NEIL2: variants seen among roughly 807,000 people sequenced by gnomAD.
The protein encoded by NEIL2 is endonuclease 8-like 2.
Under a neutral mutation model 22.2 loss-of-function variants are expected in NEIL2, and 23 were observed. The observed-to-expected ratio is 1.04, with a 90% CI of 0.75 to 1.47. NEIL2 has a LOEUF of 1.47. Among genes scored for constraint, NEIL2 ranks in the 40% most tolerant of loss-of-function variants. The pLI, the probability that NEIL2 is intolerant of heterozygous loss-of-function variation, is 0.00. For synonymous variants in NEIL2, 229 were observed against 164.8 expected, an observed-to-expected ratio of 1.39 and a Z score of -2.99; for missense variants, 583 against 404.7, an observed-to-expected ratio of 1.44 and a Z score of -3.78.
At chr8:11,781,314 C>G (rs8191617) in intron 3 of NEIL2, among the ~76,000 whole-genome samples, 5 of 152,146 alleles carry the variant, frequency 3.3e-5, no homozygotes, top group African/African-American at 1.2e-4. Context: ...TTCCAAGGTT[C>G]TGGCTTCCTG....
intron 3 of NEIL2, among the ~76,000 whole-genome samples, chr8:11,781,294 G>A (rs1033265815): frequency 6.6e-6 from 1 of 152,142 alleles, no homozygotes. Context: ...GGTGGGCTTT[G>A]GGGCTGCCGT....
intron 2 of NEIL2, among the ~76,000 whole-genome samples, chr8:11,775,008 A>G (rs1174199074): frequency 6.6e-6 from 1 of 152,210 alleles, no homozygotes. Flanking sequence ...GGCAGGGTGC[A>G]AGCTGTCAGT....
chr8:11,779,579 C>G lies in NEIL2; in HGVS notation c.139-19C>G, dbSNP rs1374471964. The G allele has an allele frequency of 1.3e-6, 2 of 1,572,028 alleles. No homozygotes were observed. Among genetic ancestry groups the G allele is most frequent in the South Asian group, 1.1e-5 (1 of 90,192 alleles). On this transcript the variant is annotated intron_variant, in intron 2 of 4. Transcript: ENST00000284503. ...CTCTCTGGGTCTGTAAGGCTTGGAT[C>G]TCTGTTCATTTTTTCTAGGTCCATG...
At chr8:11,776,979 G>C (rs1803957156) in intron 2 of NEIL2, among the ~76,000 whole-genome samples, 2 of 152,164 alleles carry the variant, frequency 1.3e-5, no homozygotes, top group Non-Finnish European at 2.9e-5. Flanking sequence ...CTGACCAGGA[G>C]CCCCTGTTCC....
rs1040919194 is a variant in NEIL2 at position 11,769,771 on chromosome 8, C to G, written c.-567C>G. On this transcript the variant is annotated 5_prime_UTR_variant, in exon 1 of 5. Coordinates refer to ENST00000284503, the MANE Select transcript of NEIL2 (RefSeq NM_145043.4). The stretch of plus-strand genomic sequence containing the variant: ...GCGTAGCGGTGCTGGGTCGGGCCGA[C>G]GTGCCACCCACCCGGAGCCGGTGAG... 3.9e-5 allele frequency: 6 copies of G among 152,322 alleles called. No homozygotes were observed. The highest frequency in any genetic ancestry group is 1.4e-4 in the African/African-American group (6 of 41,458). The allele number at this position is 152,322 out of a possible 1,614,324, so 9.4% of individuals were successfully genotyped here.
At chr8:11,771,732 G>T in intron 2 of NEIL2, 147 bp downstream of exon 2, 1 of 744,334 alleles carries the variant, frequency 1.3e-6, no homozygotes, top group Non-Finnish European at 2.2e-6. Context: ...TCAGTCTCAC[G>T]TGTCTCAGCC....
At chr8:11,773,167 C>G (rs761144021) in intron 2 of NEIL2, among the ~76,000 whole-genome samples, 36 of 152,254 alleles carry the variant, frequency 2.4e-4, no homozygotes, top group Non-Finnish European at 4.3e-4. Context: ...TCTCTTGTCT[C>G]TGGATCCCCA....
intron 2 of NEIL2, among the ~76,000 whole-genome samples, chr8:11,777,771 A>G (rs1050633256): frequency 6.6e-6 from 1 of 152,374 alleles, no homozygotes; most frequent in East Asian, 1.9e-4. Context: ...TGCATAATTT[A>G]TAAGCAATGT....
In NEIL2 at chr8:11,770,239, C is replaced by A. The variant is rs567391761; in HGVS notation, c.-99C>A. 63 of 152,314 alleles carry A rather than the reference C, an allele frequency of 4.1e-4. No individual in the cohort carries two copies. Among genetic ancestry groups the A allele is most frequent in the African/African-American group, 1.5e-3 (62 of 41,558 alleles). The allele number at this position is 152,314 out of a possible 1,614,324, so 9.4% of individuals were successfully genotyped here. On this transcript the variant is annotated 5_prime_UTR_variant, in exon 1 of 5. Transcript: ENST00000284503. ...ATAAAAATCCCTAAACGAAACATGC[C>A]CACGTGTCCGGAGATTTTCAGGACT...
Position 11,786,305 on chromosome 8 carries a change from C to T in NEIL2, c.*32C>T, listed in dbSNP as rs758498323. 19 of 1,586,402 alleles carry T rather than the reference C, an allele frequency of 1.2e-5. No individual in the cohort carries two copies. The highest frequency in any genetic ancestry group is 3.5e-5 in the Admixed American group (2 of 57,342). On this transcript the variant is annotated 3_prime_UTR_variant, in exon 5 of 5. Coordinates refer to ENST00000284503, the MANE Select transcript of NEIL2 (RefSeq NM_145043.4). ...GGTGGTGCTCCTCACGGAACCTTGC[C>T]GCTTGGGGAACCTGACGTCTAAGTG...
At chr8:11,777,785 T>C (rs1322926543) in intron 2 of NEIL2, among the ~76,000 whole-genome samples, 4 of 152,252 alleles carry the variant, frequency 2.6e-5, no homozygotes, top group Non-Finnish European at 5.9e-5. Flanking sequence ...GCAATGTAAG[T>C]CTATTTAGCT....
chr8:11,772,353 C>T (rs1803530691), intron 2 of NEIL2, among the ~76,000 whole-genome samples: 1 of 152,228 alleles, frequency 6.6e-6, no homozygotes, highest in East Asian at 1.9e-4. Flanking sequence ...ATCGATGAAA[C>T]TGCCTTTGGC....
At chr8:11,784,362 T>C (rs6982453) in intron 4 of NEIL2, among the ~76,000 whole-genome samples, 75,464 of 152,162 alleles carry the variant, frequency 0.5, 18,939 homozygotes, top group East Asian at 0.75. Context: ...GCCAGGCACA[T>C]GTTCTTGTCC....
intron 2 of NEIL2, among the ~76,000 whole-genome samples, chr8:11,776,275 G>T (rs1803896484): frequency 2.0e-5 from 3 of 152,198 alleles, no homozygotes; most frequent in Admixed American, 1.3e-4. Flanking sequence ...GAGACTTACT[G>T]TTGTGGGAAC....
intron 2 of NEIL2, among the ~76,000 whole-genome samples, chr8:11,779,368 G>A (rs1237620053): frequency 6.6e-6 from 1 of 152,214 alleles, no homozygotes; most frequent in African/African-American, 2.4e-5. Flanking sequence ...TCTTGCATGG[G>A]TGTGTTTCAC....
rs1803278955 is a variant in NEIL2, at chr8:11,769,920, G to C, written c.-418G>C. 1 of 152,354 alleles carries C rather than the reference G, an allele frequency of 6.6e-6. No homozygotes were observed. The highest frequency in any genetic ancestry group is 1.5e-5 in the Non-Finnish European group (1 of 68,186). 9.4% of individuals were successfully genotyped at this position (152,354 alleles called of 1,614,324 possible). On this transcript the variant is annotated 5_prime_UTR_variant, in exon 1 of 5. Transcript: ENST00000284503. ...CCTGCGGAGGTGCTGCCCACGCCTG[G>C]AGGCCCCCACTGACCCTCAGACCCG... is the stretch of plus-strand genomic sequence containing the variant.
At chr8:11,779,376 C>A (rs184603583) in intron 2 of NEIL2, among the ~76,000 whole-genome samples, 1 of 152,328 alleles carries the variant, frequency 6.6e-6, no homozygotes, top group Non-Finnish European at 1.5e-5. Context: ...GGGTGTGTTT[C>A]ACTGCCAACT....
intron 2 of NEIL2, among the ~76,000 whole-genome samples, chr8:11,774,955 G>C (rs1803780170): frequency 6.6e-6 from 1 of 152,232 alleles, no homozygotes; most frequent in African/African-American, 2.4e-5. Flanking sequence ...CGTCATCCTG[G>C]CTGCTTTCAC....
intron 3 of NEIL2, among the ~76,000 whole-genome samples, chr8:11,780,921 CTG>C (rs1390421998): frequency 1.3e-5 from 2 of 152,136 alleles, no homozygotes; most frequent in Non-Finnish European, 2.9e-5. Context: ...CACAGAAAGT[CTG>C]TTTGTTTTTG....
Sources: gnomAD v4.1 joint callset for allele counts (sites outside exome capture counted in the v4.1 genomes callset) on GRCh38, gnomAD v4.1.1 for gene constraint, MANE v1.5 for transcripts, NCBI Gene and HGNC (gene_info 2026-07-23, HGNC 2026-07-21) for gene names.